Variants in ACTR3C observed in about 807,000 individuals in gnomAD.
ACTR3C encodes the protein actin related protein 3C.
A neutral mutation model predicts 26.3 loss-of-function variants in ACTR3C; 18 were observed. The ratio of observed to expected loss-of-function variants is 0.68; its 90% CI spans 0.47 to 1.01. ACTR3C has a LOEUF of 1.01. Among genes scored for constraint, ACTR3C ranks in the 50% least tolerant of loss-of-function variants. The pLI is 0.00. For missense variants in ACTR3C, 184 were observed against 250.7 expected (o/e 0.73, Z 1.80); for synonymous variants, 55 against 94.5 (o/e 0.58, Z 2.42).
At chr7:150,173,901 T>C in the ACTR3C span, among the ~76,000 whole-genome samples, 1 of 146,924 alleles carries the variant, frequency 6.8e-6, no homozygotes, top group Non-Finnish European at 1.5e-5. Flanking sequence ...GAGTCACCTT[T>C]GCTCCAGTTC....
chr7:150,049,379 C>T, the ACTR3C span, among the ~76,000 whole-genome samples: 37 of 152,314 alleles, frequency 2.4e-4, no homozygotes, highest in Admixed American at 2.4e-3. Context: ...GAACGTGGGC[C>T]GGGAAACCCC....
At chr7:149,999,645 G>A in the ACTR3C span, among the ~76,000 whole-genome samples, 3 of 151,612 alleles carry the variant, frequency 2.0e-5, no homozygotes, top group Non-Finnish European at 4.4e-5. Context: ...AGCAAAGGGA[G>A]TGACTCACAT....
chr7:150,035,483 C>A, the ACTR3C span, among the ~76,000 whole-genome samples: 3 of 118,818 alleles, frequency 2.5e-5, no homozygotes, highest in Admixed American at 7.8e-5. Context: ...GTAGTAACAG[C>A]CAGGGGCGGA....
the ACTR3C span, among the ~76,000 whole-genome samples, chr7:150,209,698 G>A: frequency 6.8e-6 from 1 of 146,206 alleles, no homozygotes; most frequent in East Asian, 2.0e-4. Flanking sequence ...TGCCAACATG[G>A]TGAAACCCCA....
the ACTR3C span, among the ~76,000 whole-genome samples, chr7:150,055,715 C>G: frequency 9.9e-5 from 15 of 152,172 alleles, no homozygotes; most frequent in Non-Finnish European, 1.5e-5. Flanking sequence ...CTGAGATACT[C>G]TGATTTTGTA....
chr7:150,058,732 T>A, the ACTR3C span, among the ~76,000 whole-genome samples: 45 of 152,096 alleles, frequency 3.0e-4, no homozygotes, highest in Non-Finnish European at 5.9e-4. Context: ...CTGGCCAACA[T>A]GGTGAAACCT....
At chr7:150,015,247 T>A in the ACTR3C span, among the ~76,000 whole-genome samples, 1 of 152,164 alleles carries the variant, frequency 6.6e-6, no homozygotes, top group African/African-American at 2.4e-5. Flanking sequence ...TGTGTTCACA[T>A]GCAGAGTAAG....
the ACTR3C span, among the ~76,000 whole-genome samples, chr7:149,970,110 G>A: frequency 6.6e-6 from 1 of 152,154 alleles, no homozygotes; most frequent in Non-Finnish European, 1.5e-5. Context: ...GCAAACTGGG[G>A]CTGGCCTCAT....
At chr7:150,322,564 A>G (rs1256103502) in intron 1 of ACTR3C, 1 of 152,266 alleles carries the variant, frequency 6.6e-6, no homozygotes, top group African/African-American at 2.4e-5. Flanking sequence ...AAGGGGAGGA[A>G]GCCTCAGTTC....
At chr7:150,126,737 A>C in the ACTR3C span, among the ~76,000 whole-genome samples, 1 of 152,332 alleles carries the variant, frequency 6.6e-6, no homozygotes, top group South Asian at 2.1e-4. Context: ...GTCAGGCTCC[A>C]ATGTGCCCAA....
At chr7:150,035,711 AG>A in the ACTR3C span, among the ~76,000 whole-genome samples, 13 of 135,538 alleles carry the variant, frequency 9.6e-5, 1 homozygote, top group East Asian at 2.4e-3. Flanking sequence ...GTCCTAAGCC[AG>A]GGGGTGAAGA....
chr7:150,194,886 G>T, the ACTR3C span, among the ~76,000 whole-genome samples: 1 of 152,026 alleles, frequency 6.6e-6, no homozygotes, highest in East Asian at 1.9e-4. Context: ...CTGAGGCCAG[G>T]AGTTCAAGAC....
chr7:149,979,695 T>C, the ACTR3C span, among the ~76,000 whole-genome samples: 1 of 151,718 alleles, frequency 6.6e-6, no homozygotes, highest in Admixed American at 6.6e-5. Context: ...TAACAGAGTG[T>C]CTTAATCAGA....
the ACTR3C span, among the ~76,000 whole-genome samples, chr7:149,922,937 T>G: frequency 6.8e-6 from 1 of 146,148 alleles, no homozygotes; most frequent in African/African-American, 2.5e-5. Flanking sequence ...ATTTGTTGAC[T>G]ACTAATAATT....
At chr7:150,102,916 C>T in the ACTR3C span, among the ~76,000 whole-genome samples, 2 of 152,078 alleles carry the variant, frequency 1.3e-5, no homozygotes, top group Non-Finnish European at 2.9e-5. Context: ...AACAGCAGTG[C>T]TGCATGTAGT....
chr7:149,906,071 C>A, the ACTR3C span, among the ~76,000 whole-genome samples: 1 of 152,260 alleles, frequency 6.6e-6, no homozygotes, highest in East Asian at 1.9e-4. Flanking sequence ...TGATGTGGAT[C>A]TGTATGTGTC....
the ACTR3C span, among the ~76,000 whole-genome samples, chr7:150,173,838 A>T: frequency 6.7e-6 from 1 of 149,068 alleles, no homozygotes; most frequent in Non-Finnish European, 1.5e-5. Context: ...AAGTTCCACA[A>T]ATCCCTAGGG....
chr7:150,294,283 T>TA (rs1836545280), intron 2 of ACTR3C, among the ~76,000 whole-genome samples: 1 of 152,200 alleles, frequency 6.6e-6, no homozygotes, highest in South Asian at 2.1e-4. Context: ...GGGATGCCGC[T>TA]ACGCTCCCCG....
At chr7:149,909,822 T>C in the ACTR3C span, 3 of 265,104 alleles carry the variant, frequency 1.1e-5, no homozygotes, top group Admixed American at 2.3e-4. Context: ...AGAATACTCC[T>C]TGAAATTAAA....
Sources: gnomAD v4.1 joint callset for allele counts (sites outside exome capture counted in the v4.1 genomes callset) on GRCh38, gnomAD v4.1.1 for gene constraint, MANE v1.5 for transcripts, NCBI Gene and HGNC (gene_info 2026-07-23, HGNC 2026-07-21) for gene names.